Variants in ZNF609 observed in about 807,000 individuals in gnomAD.
The protein encoded by ZNF609 is zinc finger protein 609.
Under a neutral mutation model 109.5 loss-of-function variants are expected in ZNF609, and 11 were observed. The ratio of observed to expected loss-of-function variants is 0.10; its 90% confidence interval spans 0.06 to 0.17. The LOEUF (loss-of-function observed/expected upper bound fraction) is 0.17, where lower values mean the gene tolerates loss of function less well. ZNF609 is among the 10% of genes least tolerant of loss of function. The pLI is 1.00. For synonymous variants in ZNF609, 646 were observed against 662.0 expected (o/e 0.98, Z 0.37); for missense variants, 1,559 against 1,772.4 (o/e 0.88, Z 2.16).
intron 1 of ZNF609, among the ~76,000 whole-genome samples, chr15:64,474,804 C>T (rs1893143154): frequency 6.6e-6 from 1 of 152,090 alleles, no homozygotes; most frequent in East Asian, 1.9e-4. Context: ...CCAGCGTAGA[C>T]CTTTAAAATT....
chr15:64,627,834 AT>A (rs1333549447), intron 3 of ZNF609, among the ~76,000 whole-genome samples: 3 of 150,480 alleles, frequency 2.0e-5, no homozygotes, highest in Non-Finnish European at 4.4e-5. Flanking sequence ...TACTCAGCTA[AT>A]TTTTTATAGA....
Position 64,676,091 on chromosome 15 carries a change from C to T in ZNF609, c.3237C>T (p.Ile1079=), listed in dbSNP as rs1159793290. 1 of 1,614,242 alleles carries T rather than the reference C, an allele frequency of 6.2e-7. No individual in the cohort carries two copies. Among genetic ancestry groups the T allele is most frequent in the Non-Finnish European group, 8.5e-7 (1 of 1,180,050 alleles). ...EPGADPAKSV[I]IPKLDDSSKL... ...GGGCTGACCCAGCCAAATCAGTCAT[C>T]ATTCCCAAGTTAGATGACTCTTCAA... The change falls in exon 5 of 10, where the codon ATC becomes ATT. Residue 1079 remains isoleucine, a synonymous_variant. Coordinates refer to ENST00000326648, the MANE Select transcript of ZNF609 (RefSeq NM_015042.2).
At chr15:64,579,332 G>T (rs957990106) in intron 2 of ZNF609, among the ~76,000 whole-genome samples, 3 of 150,960 alleles carry the variant, frequency 2.0e-5, no homozygotes, top group African/African-American at 7.3e-5. Context: ...GATGAGTTGA[G>T]CCCAGGAGGT....
chr15:64,657,206 G>C (rs1192962405), intron 3 of ZNF609, among the ~76,000 whole-genome samples: 3 of 150,090 alleles, frequency 2.0e-5, no homozygotes, highest in Admixed American at 6.7e-5. Flanking sequence ...GTTGCAGTGA[G>C]CCAAGATCGC....
At chr15:64,539,167 TTTA>T (rs1291779156) in intron 2 of ZNF609, among the ~76,000 whole-genome samples, 1 of 101,324 alleles carries the variant, frequency 9.9e-6, no homozygotes, top group African/African-American at 4.9e-5. Flanking sequence ...CCATGCCTTA[TTTA>T]TTTATTTATT....
Position 64,682,951 on chromosome 15 carries a change from C to T in ZNF609, c.*1265C>T, listed in dbSNP as rs200703088. On this transcript the variant is annotated 3_prime_UTR_variant, in exon 10 of 10. Transcript: ENST00000326648. ...TCCTTAGACCCTGGAATAACACATC[C>T]AAGCCATTACTTATTAGAGTCTCAG... The T allele has an allele frequency of 6.6e-6, 1 of 152,640 alleles. No individual in the cohort carries two copies. Among genetic ancestry groups the T allele is most frequent in the African/African-American group, 2.4e-5 (1 of 41,444 alleles). The allele number at this position is 152,640 out of a possible 1,614,324, so 9.5% of individuals were successfully genotyped here. A position where few individuals can be genotyped will look rare whatever the true frequency, so the allele number is the denominator to read the frequency against.
At chr15:64,607,146 AAAAT>A (rs879833855) in intron 2 of ZNF609, among the ~76,000 whole-genome samples, 15 of 146,900 alleles carry the variant, frequency 1.0e-4, no homozygotes, top group Admixed American at 3.6e-4. Context: ...CTCCATAAAA[AAAAT>A]AAATAAATAA....
chr15:64,460,241 A>G (rs1474748140), upstream of ZNF609, among the ~76,000 whole-genome samples: 7 of 152,054 alleles, frequency 4.6e-5, no homozygotes, highest in Admixed American at 4.6e-4. Context: ...TCTGTGTTAT[A>G]AGGTGCAATA....
In ZNF609 at chr15:64,566,374, T is replaced by C. The variant is rs1333051287; in HGVS notation, c.748-56453T>C. ...TATGCATGAGCCTCCTGAGAAGCCA[T>C]GGAGAAAGAAGCAAGCATGACCAGT... On this transcript the variant is annotated intron_variant, in intron 2 of 9. Transcript: ENST00000326648. Among the ~76,000 whole-genome samples the C allele has an allele frequency of 5.9e-5, 9 of 152,232 alleles. No homozygotes were observed. The East Asian group carries it at 1.5e-3, about 26-fold the overall frequency.
intron 2 of ZNF609, among the ~76,000 whole-genome samples, chr15:64,509,090 A>G (rs1330667605): frequency 6.6e-6 from 1 of 152,168 alleles, no homozygotes; most frequent in African/African-American, 2.4e-5. Flanking sequence ...CTTCCCTCTT[A>G]ATAGTGAAAT....
intron 3 of ZNF609, among the ~76,000 whole-genome samples, chr15:64,649,417 C>A (rs987568690): frequency 6.6e-6 from 1 of 152,130 alleles, no homozygotes; most frequent in Admixed American, 6.6e-5. Context: ...CACACACATG[C>A]ACACACCCAT....
chr15:64,499,223 G>T, intron 1 of ZNF609, 70 bp from the exon 2 acceptor site: 2 of 617,368 alleles, frequency 3.2e-6, no homozygotes, highest in South Asian at 4.8e-5. Flanking sequence ...GTTTTTGTGT[G>T]GGAGTTTATT....
intron 1 of ZNF609, 78 bp from the exon 2 acceptor site, chr15:64,499,215 T>G: frequency 1.7e-6 from 1 of 587,520 alleles, no homozygotes; most frequent in Non-Finnish European, 2.9e-6. Context: ...AAGGGTCTGT[T>G]TTTGTGTGGG....
intron 3 of ZNF609, among the ~76,000 whole-genome samples, chr15:64,649,079 T>C (rs1896377164): frequency 6.6e-6 from 1 of 152,144 alleles, no homozygotes; most frequent in South Asian, 2.1e-4. Context: ...ATTCTGACAA[T>C]TATTTTTAAA....
At chr15:64,612,876 G>T (rs540366437) in intron 2 of ZNF609, among the ~76,000 whole-genome samples, 1 of 152,126 alleles carries the variant, frequency 6.6e-6, no homozygotes, top group East Asian at 1.9e-4. Context: ...TTAGCCAGGT[G>T]TGGTGGCATG....
intron 2 of ZNF609, among the ~76,000 whole-genome samples, chr15:64,541,996 G>A (rs1333521396): frequency 6.6e-6 from 1 of 151,806 alleles, no homozygotes; most frequent in African/African-American, 2.4e-5. Context: ...TTAAAAAATA[G>A]GTTGAGTTGG....
At chr15:64,604,681 C>G (rs561101580) in intron 2 of ZNF609, among the ~76,000 whole-genome samples, 12 of 152,070 alleles carry the variant, frequency 7.9e-5, no homozygotes, top group Non-Finnish European at 1.8e-4. Flanking sequence ...TTTAAGCAAA[C>G]AAAGAATTTA....
In ZNF609 at chr15:64,676,222, A is replaced by G; in HGVS notation, c.3368A>G (p.Gln1123Arg). Residue 1123 changes from glutamine (Q) to arginine (R), a missense_variant, in exon 5 of 10, where the codon CAG becomes CGG. Coordinates refer to ENST00000326648, the MANE Select transcript of ZNF609 (RefSeq NM_015042.2). ...AAGACAGGTGCTGAGTGTGGTCGAC[A>G]GGCAGAGATGGATCCAATACTCTGG... is the stretch of plus-strand genomic sequence containing the variant. ...EAKTGAECGR[Q>R]AEMDPILWYR... 6.2e-7 allele frequency: 1 copy of G among 1,613,414 alleles called. No homozygotes were observed. Among genetic ancestry groups the G allele is most frequent in the Non-Finnish European group, 8.5e-7 (1 of 1,179,692 alleles).
intron 2 of ZNF609, among the ~76,000 whole-genome samples, chr15:64,584,513 C>A (rs117693408): frequency 0.03 from 4,538 of 152,086 alleles, 95 homozygotes; most frequent in South Asian, 0.075. Flanking sequence ...GTTAGCCAGG[C>A]TGGTCTCGAA....
Sources: gnomAD v4.1 joint callset for allele counts (sites outside exome capture counted in the v4.1 genomes callset) on GRCh38, gnomAD v4.1.1 for gene constraint, MANE v1.5 for transcripts, NCBI Gene and HGNC (gene_info 2026-07-23, HGNC 2026-07-21) for gene names.